GSG1L: variants seen among roughly 807,000 people sequenced by gnomAD.
GSG1L encodes the protein germ cell-specific gene 1-like protein.
A neutral mutation model predicts 42.1 loss-of-function variants in GSG1L; 24 were observed. The observed-to-expected ratio is 0.57, with a 90% CI of 0.41 to 0.80. The LOEUF (loss-of-function observed/expected upper bound fraction) is 0.80. Ranked by LOEUF, GSG1L falls within the 30% of genes least tolerant of loss-of-function variation. GSG1L has a pLI of 0.00. For synonymous variants in GSG1L, 215 were observed against 203.5 expected (o/e 1.06, Z -0.48); for missense variants, 445 against 472.2 (o/e 0.94, Z 0.53).
At chr16:27,953,345 C>T (rs2084970638) in intron 2 of GSG1L, among the ~76,000 whole-genome samples, 1 of 152,292 alleles carries the variant, frequency 6.6e-6, no homozygotes, top group Non-Finnish European at 1.5e-5. Flanking sequence ...CCACCTTGGC[C>T]TCCCAAAGCA....
chr16:27,923,814 C>T (rs76451189), intron 2 of GSG1L, among the ~76,000 whole-genome samples: 3,534 of 151,226 alleles, frequency 0.023, 65 homozygotes, highest in Non-Finnish European at 0.037. Context: ...GAGAACGTGC[C>T]AGAAAAACCA....
chr16:27,917,540 C>T (rs1192754219), intron 2 of GSG1L, among the ~76,000 whole-genome samples: 2 of 152,094 alleles, frequency 1.3e-5, no homozygotes, highest in Non-Finnish European at 2.9e-5. Context: ...CCAATCAACC[C>T]AGAGCATAGG....
intron 2 of GSG1L, among the ~76,000 whole-genome samples, chr16:27,896,364 C>G (rs550124715): frequency 3.9e-5 from 6 of 152,276 alleles, no homozygotes; most frequent in African/African-American, 1.4e-4. Context: ...GGAAGCTGTT[C>G]ACTTCCAGGA....
At chr16:27,890,608 G>T (rs530752347) in intron 2 of GSG1L, among the ~76,000 whole-genome samples, 6 of 152,198 alleles carry the variant, frequency 3.9e-5, no homozygotes, top group Admixed American at 6.5e-5. Context: ...GAGGGAGGAG[G>T]CCACACTGGT....
rs960711045 is a variant in GSG1L, at chr16:27,963,021, T to A, written c.397+135A>T. The A allele has an allele frequency of 7.6e-5, 54 of 708,868 alleles. 1 individual carries two copies. In the Admixed American group the frequency reaches 1.3e-3, roughly 17 times the overall value. 43.9% of individuals were successfully genotyped at this position (708,868 alleles called of 1,614,324 possible). ...AGAAACTCAGGGCTTTGCAACAGGG[T>A]GTCTGGCTCCCAGGGCCCTGTTGCC... On this transcript the variant is annotated intron_variant, in intron 2 of 6. Transcript: ENST00000447459.
intron 1 of GSG1L, among the ~76,000 whole-genome samples, chr16:28,026,586 A>C (rs2085903587): frequency 6.6e-6 from 1 of 152,170 alleles, no homozygotes; most frequent in Admixed American, 6.5e-5. Context: ...GACGCAGCTC[A>C]GCTGGGCTCT....
rs902082902 is a variant in GSG1L, at chr16:27,825,399, A to G, written c.830+3390T>C. On this transcript the variant is annotated intron_variant, in intron 5 of 6. Transcript: ENST00000447459. ...AAAAAATAGAAATGGTGCCAGGCAT[A>G]CTGGCTCATGCCTGTAATCCCAGCA... 2.6e-5 allele frequency among the ~76,000 whole-genome samples: 4 copies of G among 152,194 alleles called. No homozygotes were observed. In the South Asian group the frequency reaches 8.3e-4, roughly 32 times the overall value.
At chr16:27,856,042 C>T (rs2083573211) in intron 3 of GSG1L, among the ~76,000 whole-genome samples, 1 of 152,116 alleles carries the variant, frequency 6.6e-6, no homozygotes, top group African/African-American at 2.4e-5. Context: ...ATTTCTAAAC[C>T]TCAGCACTAC....
chr16:27,819,482 C>T (rs527343902), intron 5 of GSG1L, among the ~76,000 whole-genome samples: 1 of 152,254 alleles, frequency 6.6e-6, no homozygotes, highest in South Asian at 2.1e-4. Flanking sequence ...CTCAGAAGTC[C>T]CTTTCAGCAC....
intron 1 of GSG1L, among the ~76,000 whole-genome samples, chr16:28,021,199 G>A (rs1319837689): frequency 2.0e-5 from 3 of 152,062 alleles, no homozygotes; most frequent in Admixed American, 2.0e-4. Context: ...TGGCTTCTGG[G>A]GAGGCCTCAG....
intron 2 of GSG1L, among the ~76,000 whole-genome samples, chr16:27,915,684 G>T (rs1476156911): frequency 1.3e-5 from 2 of 152,218 alleles, no homozygotes; most frequent in Non-Finnish European, 2.9e-5. Context: ...ACTGAGAGGG[G>T]AGGATCGCTT....
intron 5 of GSG1L, among the ~76,000 whole-genome samples, chr16:27,814,987 T>C (rs968881257): frequency 3.9e-5 from 6 of 152,018 alleles, no homozygotes; most frequent in Non-Finnish European, 7.4e-5. Context: ...TTGTGTGCAG[T>C]GGTACAATCA....
At chr16:28,047,863 G>C (rs2086179972) in intron 1 of GSG1L, among the ~76,000 whole-genome samples, 1 of 152,088 alleles carries the variant, frequency 6.6e-6, no homozygotes. Flanking sequence ...TCCTATTGAA[G>C]AGAAAGAGAT....
intron 1 of GSG1L, among the ~76,000 whole-genome samples, chr16:27,983,177 A>C (rs1028747855): frequency 2.0e-5 from 3 of 151,990 alleles, no homozygotes; most frequent in Non-Finnish European, 4.4e-5. Context: ...TCTACTGAAA[A>C]TACAAAAATT....
intron 1 of GSG1L, among the ~76,000 whole-genome samples, chr16:28,007,262 CA>C (rs1163384395): frequency 6.6e-6 from 1 of 151,798 alleles, no homozygotes; most frequent in African/African-American, 2.4e-5. Context: ...GCCAGAGAAT[CA>C]AAAAAAGATG....
chr16:27,814,084 T>C (rs2083065053), intron 5 of GSG1L, among the ~76,000 whole-genome samples: 1 of 152,172 alleles, frequency 6.6e-6, no homozygotes, highest in Non-Finnish European at 1.5e-5. Context: ...TCTAATAGTC[T>C]GATAGTCTGC....
At chr16:27,985,625 C>T (rs2085373622) in intron 1 of GSG1L, among the ~76,000 whole-genome samples, 1 of 152,012 alleles carries the variant, frequency 6.6e-6, no homozygotes, top group African/African-American at 2.4e-5. Flanking sequence ...GGGCAGATCA[C>T]CTGAGGTCGG....
chr16:27,810,062 A>G (rs939056487), intron 5 of GSG1L, among the ~76,000 whole-genome samples: 1 of 152,210 alleles, frequency 6.6e-6, no homozygotes, highest in Non-Finnish European at 1.5e-5. Flanking sequence ...TTCACCAGGA[A>G]CTTCCTGAGG....
intron 1 of GSG1L, among the ~76,000 whole-genome samples, chr16:27,995,787 C>CA (rs1370668919): frequency 1.3e-5 from 2 of 151,852 alleles, no homozygotes; most frequent in African/African-American, 4.8e-5. Context: ...GCTGGGATTA[C>CA]AGGCGTGTAC....
Sources: allele counts gnomAD v4.1 joint callset (sites outside exome capture counted in the v4.1 genomes callset), GRCh38; gene constraint gnomAD v4.1.1; transcripts MANE v1.5; gene names NCBI Gene and HGNC (gene_info 2026-07-23, HGNC 2026-07-21).